Variants in PTPRN2 observed in about 807,000 individuals in gnomAD.
The protein encoded by PTPRN2 is protein tyrosine phosphatase receptor type N2, also known as receptor-type tyrosine-protein phosphatase N2.
Under a neutral mutation model 118.8 loss-of-function variants are expected in PTPRN2, and 74 were observed. The observed-to-expected ratio is 0.62, with a 90% CI of 0.52 to 0.76. The LOEUF (loss-of-function observed/expected upper bound fraction) is 0.76. PTPRN2 is among the 30% of genes least tolerant of loss of function. PTPRN2 has a pLI of 0.00. For synonymous variants in PTPRN2, 641 were observed against 608.0 expected (o/e 1.05, Z -0.80); for missense variants, 1,481 against 1,394.4 (o/e 1.06, Z -0.99).
chr7:158,514,007 A>G (rs1351430470), intron 1 of PTPRN2, among the ~76,000 whole-genome samples: 1 of 152,218 alleles, frequency 6.6e-6, no homozygotes, highest in Non-Finnish European at 1.5e-5. Context: ...TTATCAACGC[A>G]CGATGACTGC....
chr7:158,009,096 A>C (rs1805863620), intron 11 of PTPRN2, among the ~76,000 whole-genome samples: 1 of 152,020 alleles, frequency 6.6e-6, no homozygotes, highest in African/African-American at 2.4e-5. Context: ...CATTTGTCCA[A>C]ACGAACAGAG....
At chr7:157,547,151 TC>T (rs1392336593) in intron 22 of PTPRN2, among the ~76,000 whole-genome samples, 1 of 152,158 alleles carries the variant, frequency 6.6e-6, no homozygotes, top group East Asian at 1.9e-4. Flanking sequence ...CTGGGGCTTA[TC>T]CCAGAGTGGG....
At chr7:157,774,459 A>G (rs1320089028) in intron 12 of PTPRN2, among the ~76,000 whole-genome samples, 1 of 152,192 alleles carries the variant, frequency 6.6e-6, no homozygotes, top group South Asian at 2.1e-4. Flanking sequence ...CCACGTCAAT[A>G]TTATTCTTCC....
intron 11 of PTPRN2, among the ~76,000 whole-genome samples, chr7:158,050,662 C>T (rs1809256988): frequency 6.6e-6 from 1 of 152,210 alleles, no homozygotes; most frequent in African/African-American, 2.4e-5. Context: ...GAGCTCTGTG[C>T]TAGGGTGGGT....
At chr7:157,757,083 C>G (rs988866039) in intron 12 of PTPRN2, among the ~76,000 whole-genome samples, 2 of 152,136 alleles carry the variant, frequency 1.3e-5, no homozygotes, top group Non-Finnish European at 2.9e-5. Flanking sequence ...GTATGCTATG[C>G]GGCTCACAAG....
intron 2 of PTPRN2, among the ~76,000 whole-genome samples, chr7:158,398,562 A>G (rs1812702575): frequency 6.6e-6 from 1 of 152,200 alleles, no homozygotes; most frequent in Admixed American, 6.5e-5. Flanking sequence ...TTCTTATTTT[A>G]GGGTTTATTT....
In PTPRN2 at chr7:158,570,582, C is replaced by T. The variant is rs1827967023; in HGVS notation, c.112+16976G>A. Among the ~76,000 whole-genome samples the T allele has an allele frequency of 6.6e-6, 1 of 152,202 alleles. No individual in the cohort carries two copies. Among genetic ancestry groups the T allele is most frequent in the South Asian group, 2.1e-4 (1 of 4,818 alleles). ...CTCTCCCTGTGTCCTCCGTGCCCCC[C>T]GAGTGGCCTGCTAGCCCGCTCTCCC... On this transcript the variant is annotated intron_variant, in intron 1 of 22. Transcript: ENST00000389418. This position sits in a 1 kb window ranked among gnomAD's most constrained non-coding sequence, Gnocchi z 4.5.
intron 3 of PTPRN2, among the ~76,000 whole-genome samples, chr7:158,230,247 C>T (rs1829075356): frequency 6.6e-6 from 1 of 152,106 alleles, no homozygotes. Flanking sequence ...TGTTACAAAT[C>T]ATGCTAAAGA....
chr7:158,142,899 A>G (rs530006256), intron 6 of PTPRN2, among the ~76,000 whole-genome samples: 86 of 152,286 alleles, frequency 5.6e-4, no homozygotes, highest in Non-Finnish European at 9.1e-4. Flanking sequence ...CAGAGAAGAT[A>G]AAAGATGTGC....
Position 157,707,746 on chromosome 7 carries a change from C to G in PTPRN2, c.1789-24809G>C, listed in dbSNP as rs989734615. 2.0e-5 allele frequency among the ~76,000 whole-genome samples: 3 copies of G among 152,092 alleles called. No individual in the cohort carries two copies. The East Asian group carries it at 5.8e-4, about 29-fold the overall frequency. On this transcript the variant is annotated intron_variant, in intron 12 of 22. Transcript: ENST00000389418. ...GGGATTACAGTTGGGATTACAGGCA[C>G]GCACCACTACGCCCAGCTAATTTTT...
chr7:158,316,188 A>T (rs1397590875), intron 3 of PTPRN2, among the ~76,000 whole-genome samples: 3 of 152,094 alleles, frequency 2.0e-5, no homozygotes, highest in African/African-American at 7.2e-5. Flanking sequence ...CTTACTCCAG[A>T]TGTGGATTTC....
intron 15 of PTPRN2, among the ~76,000 whole-genome samples, chr7:157,612,208 C>T (rs1802395110): frequency 2.6e-5 from 4 of 152,224 alleles, no homozygotes. Flanking sequence ...ACCCAGAGAC[C>T]AGCTCCAGAC....
chr7:157,927,774 T>C (rs1225429719), intron 11 of PTPRN2, among the ~76,000 whole-genome samples: 2 of 152,088 alleles, frequency 1.3e-5, no homozygotes, highest in East Asian at 1.9e-4. Flanking sequence ...GGAGTCAGCA[T>C]TTTCCATGGA....
intron 12 of PTPRN2, among the ~76,000 whole-genome samples, chr7:157,859,852 A>G (rs1810080827): frequency 8.8e-6 from 1 of 113,120 alleles, no homozygotes; most frequent in Non-Finnish European, 1.8e-5. Context: ...AGCCCCAGCT[A>G]CTGTACACAC....
At chr7:158,141,941 G>A (rs1024803933) in intron 6 of PTPRN2, among the ~76,000 whole-genome samples, 3 of 152,166 alleles carry the variant, frequency 2.0e-5, no homozygotes, top group African/African-American at 4.8e-5. Context: ...CGTGCTGGGC[G>A]TTCACTGCCA....
At chr7:158,477,249 A>C (rs59382533) in intron 2 of PTPRN2, among the ~76,000 whole-genome samples, 72 of 152,248 alleles carry the variant, frequency 4.7e-4, no homozygotes, top group African/African-American at 1.6e-3. Context: ...CTAACCAATA[A>C]TGCAAAGATG....
At chr7:158,359,899 G>C (rs965590281) in intron 2 of PTPRN2, among the ~76,000 whole-genome samples, 1 of 152,058 alleles carries the variant, frequency 6.6e-6, no homozygotes, top group Non-Finnish European at 1.5e-5. Context: ...TGGTGCCCAA[G>C]ACCTAACACT....
chr7:158,192,394 A>G lies in PTPRN2; in HGVS notation c.482T>C (p.Leu161Pro). The change falls in exon 5 of 23, where the codon CTG (leucine) becomes CCG (proline). Residue 161 changes from leucine to proline, a missense_variant. Leu to Pro is a moderately conservative substitution (Grantham distance 98, BLOSUM62 -3). This residue lies in a region of PTPRN2 where 1,115 missense variants were observed against 994.2 expected (regional missense o/e 1.12). Transcript: ENST00000389418. ...LRRHLPFLEA[L>P]SQAPASDVLA... Reference sequence around the variant, plus strand: ...CACGTCTGAGGCTGGGGCCTGGGACAGGGCCTCCAGGAAGGGCAGGTGGCG... The same window carrying G: ...CACGTCTGAGGCTGGGGCCTGGGACGGGGCCTCCAGGAAGGGCAGGTGGCG... The G allele has an allele frequency of 1.3e-6, 2 of 1,532,778 alleles. No individual in the cohort carries two copies. The highest frequency in any genetic ancestry group is 2.6e-5 in the East Asian group (1 of 39,106). 94.9% of individuals were successfully genotyped at this position (1,532,778 alleles called of 1,614,324 possible). A position where few individuals can be genotyped will look rare whatever the true frequency, so the allele number is the denominator to read the frequency against.
chr7:158,528,581 T>C (rs1824968379), intron 1 of PTPRN2, among the ~76,000 whole-genome samples: 1 of 151,198 alleles, frequency 6.6e-6, no homozygotes, highest in Non-Finnish European at 1.5e-5. Flanking sequence ...GGTCAGGAGA[T>C]TGAGACCATC....
Sources: allele counts gnomAD v4.1 joint callset (sites outside exome capture counted in the v4.1 genomes callset), GRCh38; gene constraint gnomAD v4.1.1; regional missense constraint gnomAD v4.1.1; non-coding constraint Gnocchi (gnomAD v3.1); transcripts MANE v1.5; gene names NCBI Gene and HGNC (gene_info 2026-07-23, HGNC 2026-07-21).